Variants in MOXD1 observed in about 807,000 individuals in gnomAD.
MOXD1 encodes DBH-like monooxygenase protein 1.
In MOXD1, 62 loss-of-function variants were observed where a neutral mutation model predicts 66.6. That is an observed-to-expected ratio of 0.93 (90% confidence interval 0.76 to 1.15). The LOEUF is 1.15. MOXD1 is among the 50% of genes most tolerant of loss of function. The pLI is 0.00. For missense variants in MOXD1, 847 were observed against 754.6 expected (o/e 1.12, Z -1.44); for synonymous variants, 303 against 281.9 (o/e 1.07, Z -0.75).
chr6:132,385,945 T>C (rs1423551651), intron 1 of MOXD1, among the ~76,000 whole-genome samples: 1 of 147,320 alleles, frequency 6.8e-6, no homozygotes, highest in Non-Finnish European at 1.5e-5. Flanking sequence ...CTACTAAAAG[T>C]ACAAAAAATT....
In MOXD1 at chr6:132,401,257, G is replaced by A. The variant is rs777776474; in HGVS notation, c.170C>T (p.Ala57Val). Reference sequence around the variant, plus strand: ...CGAGAAGCCGAAGCCCACGTAGCCTGCAGTGCGCACCTGGAGGCGGAAGGC... The same window carrying A: ...CGAGAAGCCGAAGCCCACGTAGCCTACAGTGCGCACCTGGAGGCGGAAGGC... ...QIAFRLQVRTAGYVGFGFSPT... is the reference protein window; with the variant it reads ...QIAFRLQVRTVGYVGFGFSPT... The change falls in exon 1 of 12, where the codon GCA becomes GTA. Residue 57 changes from alanine (A) to valine (V), a missense_variant. By Grantham distance (64) the Ala-to-Val change is moderately conservative. Transcript: ENST00000367963. 2.6e-5 allele frequency: 41 copies of A among 1,595,930 alleles called. No homozygotes were observed. The highest frequency in any genetic ancestry group is 3.1e-5 in the Non-Finnish European group (37 of 1,177,204).
intron 1 of MOXD1, among the ~76,000 whole-genome samples, chr6:132,378,143 AT>A (rs1201599757): frequency 5.9e-5 from 9 of 151,578 alleles, no homozygotes; most frequent in South Asian, 4.2e-4. Flanking sequence ...CAAAAAAAAA[AT>A]TTTTTTTTCA....
intron 1 of MOXD1, among the ~76,000 whole-genome samples, chr6:132,385,636 AC>A: frequency 6.6e-6 from 1 of 151,844 alleles, no homozygotes; most frequent in East Asian, 2.0e-4. Flanking sequence ...GGTGCCTGCC[AC>A]CATGCCTGGC....
In MOXD1 at chr6:132,296,992, T is replaced by C; in HGVS notation, c.*161A>G. 3.4e-6 allele frequency: 2 copies of C among 590,806 alleles called. No individual in the cohort carries two copies. Among genetic ancestry groups the C allele is most frequent in the Non-Finnish European group, 5.8e-6 (2 of 346,474 alleles). 36.6% of individuals were successfully genotyped at this position (590,806 alleles called of 1,614,324 possible). On this transcript the variant is annotated 3_prime_UTR_variant, in exon 12 of 12. Coordinates refer to ENST00000367963, the MANE Select transcript of MOXD1 (RefSeq NM_015529.4). ...TCTAAGAAAGAGAAGAGAACCTGAT[T>C]GATGTCTCTCATGTAACATGGAAAG...
chr6:132,315,378 A>G (rs984909223), intron 10 of MOXD1, among the ~76,000 whole-genome samples: 4 of 152,194 alleles, frequency 2.6e-5, no homozygotes, highest in African/African-American at 9.6e-5. Flanking sequence ...TGCTTTCACC[A>G]TATTCATGTT....
chr6:132,397,333 T>C (rs896612838), intron 1 of MOXD1, among the ~76,000 whole-genome samples: 7 of 152,236 alleles, frequency 4.6e-5, no homozygotes, highest in Non-Finnish European at 1.0e-4. Context: ...GCCAGAACAA[T>C]GGGCAAAGCC....
At chr6:132,374,190 A>G (rs1033388483) in intron 2 of MOXD1, among the ~76,000 whole-genome samples, 1 of 152,228 alleles carries the variant, frequency 6.6e-6, no homozygotes, top group African/African-American at 2.4e-5. Context: ...GGCAATTATA[A>G]TCAGCCACCT....
At chr6:132,367,119 C>T (rs563042590) in intron 4 of MOXD1, among the ~76,000 whole-genome samples, 1 of 151,964 alleles carries the variant, frequency 6.6e-6, no homozygotes, top group Non-Finnish European at 1.5e-5. Flanking sequence ...AGTGTTTTAC[C>T]TCAACTTCAC....
intron 8 of MOXD1, 29 bp from the exon 9 acceptor site, chr6:132,320,717 T>C (rs1052280907): frequency 1.3e-6 from 2 of 1,584,332 alleles, no homozygotes; most frequent in Non-Finnish European, 1.7e-6. Flanking sequence ...AGCTTTCAGA[T>C]TGAAGTTTTA....
intron 4 of MOXD1, among the ~76,000 whole-genome samples, chr6:132,338,414 T>C (rs941171541): frequency 6.6e-6 from 1 of 152,206 alleles, no homozygotes; most frequent in South Asian, 2.1e-4. Context: ...TGCAGAGAAC[T>C]AGTGCCACAA....
chr6:132,400,502 A>G (rs1776997448), intron 1 of MOXD1, among the ~76,000 whole-genome samples: 1 of 152,156 alleles, frequency 6.6e-6, no homozygotes, highest in Admixed American at 6.5e-5. Flanking sequence ...CAGCGGTCAA[A>G]TTAACTTTAT....
chr6:132,393,928 C>T (rs554398228), intron 1 of MOXD1, among the ~76,000 whole-genome samples: 1 of 152,216 alleles, frequency 6.6e-6, no homozygotes, highest in African/African-American at 2.4e-5. Context: ...ACATCACCAA[C>T]ACCAGCACTG....
intron 4 of MOXD1, among the ~76,000 whole-genome samples, chr6:132,346,548 G>A (rs1775672528): frequency 6.6e-6 from 1 of 152,124 alleles, no homozygotes; most frequent in Admixed American, 6.5e-5. Flanking sequence ...AGAATTCTAT[G>A]TTGGTTTTTA....
chr6:132,328,680 A>T (rs527710537), intron 4 of MOXD1, 86 bp from the exon 5 acceptor site: 2 of 1,257,328 alleles, frequency 1.6e-6, no homozygotes, highest in African/African-American at 3.0e-5. Flanking sequence ...AGCATAAATT[A>T]CTGTCAGTTT....
At chr6:132,376,301 T>C (rs1462691921) in intron 1 of MOXD1, among the ~76,000 whole-genome samples, 1 of 152,186 alleles carries the variant, frequency 6.6e-6, no homozygotes, top group Non-Finnish European at 1.5e-5. Flanking sequence ...AAACCTCCCA[T>C]TGTCTATAAA....
At position 132,324,029 on chromosome 6, in the gene MOXD1, T is replaced by G. The variant is rs1285075381; in HGVS notation, c.1015A>C (p.Ile339Leu). 1 of 1,613,930 alleles carries G rather than the reference T, an allele frequency of 6.2e-7. No individual in the cohort carries two copies. ...MDIRKYDAGVIEAGLWVSLFH... is the reference protein window; with the variant it reads ...MDIRKYDAGVLEAGLWVSLFH... ...AGGCTCACCCAGAGGCCAGCCTCAA[T>G]CACCCCAGCATCATATTTCCTTATA... Residue 339 changes from isoleucine to leucine, a missense_variant, in exon 7 of 12, where the codon ATT (isoleucine) becomes CTT (leucine). Coordinates refer to ENST00000367963, the MANE Select transcript of MOXD1 (RefSeq NM_015529.4).
intron 10 of MOXD1, among the ~76,000 whole-genome samples, chr6:132,310,401 T>C (rs913052401): frequency 1.3e-5 from 2 of 152,206 alleles, no homozygotes; most frequent in African/African-American, 4.8e-5. Context: ...TTGGTCGGAA[T>C]GTAAATTATT....
At chr6:132,343,345 T>A (rs1775602274) in intron 4 of MOXD1, among the ~76,000 whole-genome samples, 1 of 152,200 alleles carries the variant, frequency 6.6e-6, no homozygotes, top group Non-Finnish European at 1.5e-5. Flanking sequence ...GAGACTGAGG[T>A]GGGCGGACCA....
intron 1 of MOXD1, among the ~76,000 whole-genome samples, chr6:132,377,297 A>G (rs893854278): frequency 2.6e-5 from 4 of 152,246 alleles, no homozygotes; most frequent in African/African-American, 9.6e-5. Flanking sequence ...ATGAAATAAC[A>G]ATGTCTGTAG....
Sources: gnomAD v4.1 joint callset for allele counts (sites outside exome capture counted in the v4.1 genomes callset) on GRCh38, gnomAD v4.1.1 for gene constraint, MANE v1.5 for transcripts, NCBI Gene and HGNC (gene_info 2026-07-23, HGNC 2026-07-21) for gene names.